Variants in TPRG1 observed in about 807,000 individuals in gnomAD.
TPRG1 encodes tumor protein p63 regulated 1.
TPRG1 carries 29 observed loss-of-function variants against 29.3 expected under a neutral mutation model. The ratio of observed to expected loss-of-function variants is 0.99; its 90% CI spans 0.74 to 1.35. TPRG1 has a LOEUF of 1.35. Ranked by LOEUF, TPRG1 falls within the 40% of genes most tolerant of loss-of-function variation. TPRG1 has a pLI of 0.00. For synonymous variants in TPRG1, 130 were observed against 116.8 expected (o/e 1.11, Z -0.73); for missense variants, 327 against 335.0 (o/e 0.98, Z 0.19).
At chr3:189,158,961 TG>T in intron 5 of TPRG1, among the ~76,000 whole-genome samples, 1 of 147,074 alleles carries the variant, frequency 6.8e-6, no homozygotes. Context: ...TTGGTCTTTT[TG>T]CCCCAGACAA....
intron 5 of TPRG1, among the ~76,000 whole-genome samples, chr3:189,163,809 G>A (rs1727794948): frequency 6.6e-6 from 1 of 152,144 alleles, no homozygotes; most frequent in South Asian, 2.1e-4. Context: ...TTGGGCTGGA[G>A]TGGGCACCCT....
At chr3:189,114,920 C>T (rs571462331) in intron 1 of TPRG1, among the ~76,000 whole-genome samples, 3 of 152,292 alleles carry the variant, frequency 2.0e-5, no homozygotes, top group Non-Finnish European at 4.4e-5. Context: ...ATAGCTGTGG[C>T]TGTAAGAAGA....
intron 5 of TPRG1, among the ~76,000 whole-genome samples, chr3:189,158,987 T>C (rs1727086398): frequency 6.6e-6 from 1 of 151,864 alleles, no homozygotes; most frequent in Non-Finnish European, 1.5e-5. Context: ...AATTTTCCTC[T>C]TAAGAGGAAT....
chr3:189,018,762 G>A (rs2152124070), intron 3 of TPRG1, among the ~76,000 whole-genome samples: 1 of 150,674 alleles, frequency 6.6e-6, no homozygotes, highest in East Asian at 2.0e-4. Flanking sequence ...TTCCAATTCT[G>A]TGAAGAAAGT....
At chr3:189,067,233 ATGT>A (rs1716511566) in intron 4 of TPRG1, among the ~76,000 whole-genome samples, 1 of 152,204 alleles carries the variant, frequency 6.6e-6, no homozygotes, top group Admixed American at 6.5e-5. Flanking sequence ...TATTGTTATA[ATGT>A]TCATACTACC....
intron 4 of TPRG1, among the ~76,000 whole-genome samples, chr3:189,029,139 G>C (rs1386038087): frequency 6.6e-6 from 1 of 152,102 alleles, no homozygotes; most frequent in African/African-American, 2.4e-5. Context: ...CTCTAAAATA[G>C]TTAATATGAT....
At chr3:189,139,529 T>TA (rs1403886274) in intron 3 of TPRG1, among the ~76,000 whole-genome samples, 4 of 152,214 alleles carry the variant, frequency 2.6e-5, no homozygotes, top group Non-Finnish European at 5.9e-5. Flanking sequence ...ATCAGACAAT[T>TA]ACCAGCCGAG....
chr3:189,276,209 C>A (rs1020128830), intron 4 of TPRG1, among the ~76,000 whole-genome samples: 2 of 151,934 alleles, frequency 1.3e-5, no homozygotes, highest in South Asian at 2.1e-4. Context: ...AAAGGCTGAG[C>A]GATGGAAATG....
chr3:189,071,511 A>G (rs184445167), intron 4 of TPRG1, among the ~76,000 whole-genome samples: 1 of 152,318 alleles, frequency 6.6e-6, no homozygotes, highest in East Asian at 1.9e-4. Flanking sequence ...ACTTACACCT[A>G]TAAGCATCAG....
At chr3:189,248,624 A>G (rs960442040) in intron 4 of TPRG1, among the ~76,000 whole-genome samples, 7 of 151,246 alleles carry the variant, frequency 4.6e-5, no homozygotes, top group African/African-American at 1.2e-4. Context: ...TTTCAGATAC[A>G]TAATAGATTT....
At chr3:189,195,858 A>C (rs1732449590) in intron 1 of TPRG1, among the ~76,000 whole-genome samples, 1 of 152,222 alleles carries the variant, frequency 6.6e-6, no homozygotes, top group Non-Finnish European at 1.5e-5. Flanking sequence ...TCTACGTAAC[A>C]ATCCCAAATT....
In TPRG1 at chr3:189,225,984, A is replaced by G. The variant is rs187404164; in HGVS notation, c.302+10601A>G. Reference sequence around the variant, plus strand: ...ATTCTAAATGTGAATGTACCAAGCAATAGAGTTGAAAAATACATAAAATAA... The same window carrying G: ...ATTCTAAATGTGAATGTACCAAGCAGTAGAGTTGAAAAATACATAAAATAA... On this transcript the variant is annotated intron_variant, in intron 3 of 5. Coordinates refer to ENST00000345063, the MANE Select transcript of TPRG1 (RefSeq NM_198485.4). Among the ~76,000 whole-genome samples the G allele has an allele frequency of 3.8e-3, 585 of 152,360 alleles. 4 individuals are homozygous for G. Among genetic ancestry groups the G allele is most frequent in the African/African-American group, 0.013 (545 of 41,588 alleles).
chr3:189,225,089 G>A (rs1260541165), intron 3 of TPRG1, among the ~76,000 whole-genome samples: 2 of 152,012 alleles, frequency 1.3e-5, no homozygotes, highest in Non-Finnish European at 2.9e-5. Context: ...CCGCCACCAC[G>A]CCTGGCTAAT....
intron 1 of TPRG1, among the ~76,000 whole-genome samples, chr3:189,113,887 G>C (rs1039599451): frequency 6.6e-6 from 1 of 151,398 alleles, no homozygotes; most frequent in Middle Eastern, 3.4e-3. Context: ...CCTGCACATT[G>C]TGCACATGTA....
chr3:189,045,039 C>T (rs534337426), intron 4 of TPRG1, among the ~76,000 whole-genome samples: 1 of 152,158 alleles, frequency 6.6e-6, no homozygotes, highest in African/African-American at 2.4e-5. Context: ...AAACTGCTAC[C>T]CCAGAAGATC....
intron 4 of TPRG1, among the ~76,000 whole-genome samples, chr3:189,060,254 C>T (rs1486114097): frequency 1.3e-5 from 2 of 151,944 alleles, no homozygotes; most frequent in Non-Finnish European, 2.9e-5. Flanking sequence ...AAGAAACAAA[C>T]AAAAAACTCA....
chr3:189,235,751 T>A (rs752903895), intron 3 of TPRG1, among the ~76,000 whole-genome samples: 3 of 152,172 alleles, frequency 2.0e-5, no homozygotes, highest in African/African-American at 7.2e-5. Context: ...GCAAACACTA[T>A]GCCTGGATAT....
chr3:189,176,347 A>G (rs1167162021), intron 1 of TPRG1, among the ~76,000 whole-genome samples: 1 of 152,242 alleles, frequency 6.6e-6, no homozygotes, highest in African/African-American at 2.4e-5. Context: ...TCAAACGTCT[A>G]TTCAAGTGTC....
intron 4 of TPRG1, among the ~76,000 whole-genome samples, chr3:189,076,942 A>ATATATATATATATATATATATATG (rs199941065): frequency 1.3e-3 from 201 of 151,228 alleles, no homozygotes; most frequent in African/African-American, 4.6e-3. Context: ...ATATATATAT[A>ATATATATATATATATATATATATG]GCCAATAAGC....
Sources: gnomAD v4.1 joint callset for allele counts (sites outside exome capture counted in the v4.1 genomes callset) on GRCh38, gnomAD v4.1.1 for gene constraint, MANE v1.5 for transcripts, NCBI Gene and HGNC (gene_info 2026-07-23, HGNC 2026-07-21) for gene names.